Variants in ECPAS observed in about 807,000 individuals in gnomAD.
The protein encoded by ECPAS is Ecm29 proteasome adaptor and scaffold, also known as proteasome adapter and scaffold protein ECM29.
A neutral mutation model predicts 255.1 loss-of-function variants in ECPAS; 70 were observed. The observed-to-expected ratio is 0.27, with a 90% CI of 0.23 to 0.33. ECPAS has a LOEUF of 0.33. Among genes scored for constraint, ECPAS ranks in the 10% least tolerant of loss-of-function variants. The probability of loss-of-function intolerance (pLI) is 1.00; values close to 1 mark genes in which losing one functional copy is unlikely to be tolerated. For synonymous variants in ECPAS, 784 were observed against 775.0 expected (o/e 1.01, Z -0.19); for missense variants, 1,817 against 2,206.4 (o/e 0.82, Z 3.54).
At chr9:111,483,568 AGGGGCTGGGGGGGCAGGGCGCGGCCGG>A in intron 1 of ECPAS, 2 of 211,918 alleles carry the variant, frequency 9.4e-6, no homozygotes, top group Non-Finnish European at 1.5e-5. Flanking sequence ...GGAACGAGGG[AGGGGCTGGGGGGGCAGGGCGCGGCCGG>A]GGGGCTCGCG....
intron 1 of ECPAS, among the ~76,000 whole-genome samples, chr9:111,473,446 G>T (rs1037322144): frequency 6.6e-6 from 1 of 151,888 alleles, no homozygotes; most frequent in African/African-American, 2.4e-5. Flanking sequence ...ACATAACCCC[G>T]GCCACCGCTG....
At position 111,484,247 on chromosome 9, in the gene ECPAS, C is replaced by T. The variant is rs768527215; in HGVS notation, c.-214G>A. 6.8e-7 allele frequency: 1 copy of T among 1,469,440 alleles called. No homozygotes were observed. Among genetic ancestry groups the T allele is most frequent in the South Asian group, 1.4e-5 (1 of 70,988 alleles). The allele number at this position is 1,469,440 out of a possible 1,614,324, so 91.0% of individuals were successfully genotyped here. ...GCAGTCCGTGAGGGGCTGGGCCGAG[C>T]GGGCCCGGGCTGCCCTAGCGGCCGG... On this transcript the variant is annotated 5_prime_UTR_variant, in exon 1 of 50. Coordinates refer to ENST00000684092, the MANE Select transcript of ECPAS (RefSeq NM_001364929.1).
At chr9:111,430,752 G>A (rs944244848) in intron 8 of ECPAS, 124 bp from the exon 9 acceptor site, 2 of 682,428 alleles carry the variant, frequency 2.9e-6, no homozygotes, top group Non-Finnish European at 5.2e-6. Context: ...AATGAAATGG[G>A]CAATTGACAT....
chr9:111,390,009 T>C lies in ECPAS; in HGVS notation c.3254A>G (p.His1085Arg), dbSNP rs1443117565. Residue 1085 changes from histidine (H) to arginine (R), a missense_variant, in exon 30 of 50, where the codon CAT becomes CGT. His to Arg is a conservative substitution (Grantham distance 29). Coordinates refer to ENST00000684092, the MANE Select transcript of ECPAS (RefSeq NM_001364929.1). ...CTTCCTAGAGTTCCACATTGCATGA[T>C]GGTTGGCTAAATTCATAAATTTATA... Reference protein sequence around the residue: ...LVYKFMNLANHHAMWNSRKGA... With the variant: ...LVYKFMNLANRHAMWNSRKGA... 6.9e-6 allele frequency: 11 copies of C among 1,599,510 alleles called. No individual in the cohort carries two copies. Among genetic ancestry groups the C allele is most frequent in the Non-Finnish European group, 8.6e-6 (10 of 1,168,894 alleles).
chr9:111,380,379 A>C (rs963826130), intron 35 of ECPAS, among the ~76,000 whole-genome samples: 9 of 152,060 alleles, frequency 5.9e-5, no homozygotes, highest in African/African-American at 2.2e-4. Flanking sequence ...TTTTTTTAGC[A>C]GTAGGCCTCA....
chr9:111,392,463 T>G (rs903429338), intron 28 of ECPAS, among the ~76,000 whole-genome samples: 1 of 152,238 alleles, frequency 6.6e-6, no homozygotes, highest in African/African-American at 2.4e-5. Context: ...ATGAATGATA[T>G]GCAAGCTTCT....
At chr9:111,479,916 T>G (rs2098301907) in intron 1 of ECPAS, among the ~76,000 whole-genome samples, 1 of 150,924 alleles carries the variant, frequency 6.6e-6, no homozygotes, top group East Asian at 2.0e-4. Context: ...GCGGCAAAGG[T>G]TGCAGTGAGC....
In ECPAS at chr9:111,369,039, G is replaced by A; in HGVS notation, c.5109C>T (p.Thr1703=). 3 of 1,578,870 alleles carry A rather than the reference G, an allele frequency of 1.9e-6. No homozygotes were observed. The highest frequency in any genetic ancestry group is 2.6e-6 in the Non-Finnish European group (3 of 1,168,066). Residue 1703 remains threonine (T), a synonymous_variant, in exon 46 of 50, where the codon ACC becomes ACT. Transcript: ENST00000684092. ...LGKAWPRNAE[T]QRCYRQELCK... ...AATGCAGTTTCTGGTGCTTACGTTGGGTCTCCGCGTTTCGCGGCCAGGCTT... is the reference window on the plus strand; with the variant it reads ...AATGCAGTTTCTGGTGCTTACGTTGAGTCTCCGCGTTTCGCGGCCAGGCTT...
Position 111,372,502 on chromosome 9 carries a change from T to A in ECPAS, c.4455A>T (p.Glu1485Asp), listed in dbSNP as rs765281732. 4.3e-6 allele frequency: 7 copies of A among 1,613,762 alleles called. No individual in the cohort carries two copies. In the East Asian group the frequency reaches 1.6e-4, roughly 36 times the overall value. The change falls in exon 42 of 50, where the codon GAA becomes GAT. Residue 1485 changes from glutamate (E) to aspartate (D), a missense_variant. Coordinates refer to ENST00000684092, the MANE Select transcript of ECPAS (RefSeq NM_001364929.1). ...TTTCGGATTTCTCCTCATCAGCAAT[T>A]TCATGCATGCCTAAAAATGCCAGAG... ...VLPLAFLGMHEIADEEKSEKE... is the reference protein window; with the variant it reads ...VLPLAFLGMHDIADEEKSEKE...
chr9:111,460,582 A>G (rs1478544833), intron 2 of ECPAS, among the ~76,000 whole-genome samples: 1 of 152,196 alleles, frequency 6.6e-6, no homozygotes, highest in Non-Finnish European at 1.5e-5. Context: ...AAAAAATCCA[A>G]AACAATCTAT....
At chr9:111,424,165 G>A (rs1389717384) in intron 12 of ECPAS, among the ~76,000 whole-genome samples, 1 of 152,170 alleles carries the variant, frequency 6.6e-6, no homozygotes, top group Non-Finnish European at 1.5e-5. Context: ...CACTCAATAG[G>A]AGAAAGAAGC....
chr9:111,453,001 TGA>T (rs1455977992), intron 2 of ECPAS, among the ~76,000 whole-genome samples: 1 of 151,972 alleles, frequency 6.6e-6, no homozygotes, highest in Non-Finnish European at 1.5e-5. Flanking sequence ...CCCAACACTT[TGA>T]GAGACCAAGG....
chr9:111,372,363 A>T, intron 42 of ECPAS, 66 bp downstream of exon 42: 5 of 1,419,670 alleles, frequency 3.5e-6, no homozygotes, highest in Non-Finnish European at 4.9e-6. Context: ...ATGAATAACG[A>T]ATGCAAGTAA....
At position 111,425,469 on chromosome 9, in the gene ECPAS, T is replaced by C. The variant is rs375474917; in HGVS notation, c.1164A>G (p.Leu388=). Residue 388 remains leucine (L), a synonymous_variant, in exon 12 of 50, where the codon TTA becomes TTG. Transcript: ENST00000684092. The part of the protein sequence containing the change: ...ITCPEIKIKP[L]GPMLLNGLTK... ...TGAGGCCATTCAAAAGCATTGGACC[T>C]AATGGCTTAATCTTGATTTCTGGAC... 28 of 1,600,352 alleles carry C rather than the reference T, an allele frequency of 1.7e-5. No individual in the cohort carries two copies. Among genetic ancestry groups the C allele is most frequent in the Admixed American group, 5.2e-5 (3 of 57,870 alleles).
At chr9:111,464,224 G>T (rs902408156) in intron 2 of ECPAS, among the ~76,000 whole-genome samples, 3 of 150,988 alleles carry the variant, frequency 2.0e-5, no homozygotes, top group African/African-American at 7.3e-5. Flanking sequence ...CTTGAGCTCA[G>T]GAGTTCAAGA....
rs373389870 is a variant in ECPAS, at chr9:111,444,992, CTT to C, written c.154-500_154-499del. Among the ~76,000 whole-genome samples, 526 of 105,562 alleles carry C rather than the reference CTT, an allele frequency of 5.0e-3. 2 individuals are homozygous for C. The highest frequency in any genetic ancestry group is 0.018 in the African/African-American group (418 of 23,766). 69.3% of individuals were successfully genotyped at this position (105,562 alleles called of 152,430 possible). ...TACAGGCGTAAGCCACTGCTCCTGGCTTTTTTTTTTTTTTTTTTTTTGACATG... is the reference window on the plus strand; with the variant it reads ...TACAGGCGTAAGCCACTGCTCCTGGCTTTTTTTTTTTTTTTTTTTGACATG... On this transcript the variant is annotated intron_variant, in intron 3 of 49. Transcript: ENST00000684092.
At chr9:111,431,465 C>T (rs954855222) in intron 8 of ECPAS, among the ~76,000 whole-genome samples, 1 of 150,396 alleles carries the variant, frequency 6.6e-6, no homozygotes, top group South Asian at 2.1e-4. Flanking sequence ...GGCTGAGGCA[C>T]GAGAATCACT....
rs1238138818 is a variant in ECPAS at position 111,372,453 on chromosome 9, C to T, written c.4504G>A (p.Glu1502Lys). The T allele has an allele frequency of 2.5e-6, 4 of 1,613,648 alleles. No individual in the cohort carries two copies. The highest frequency in any genetic ancestry group is 1.7e-5 in the Admixed American group (1 of 59,988). The change falls in exon 42 of 50, where the codon GAA becomes AAA. Residue 1502 changes from glutamate (E) to lysine (K), a missense_variant. Coordinates refer to ENST00000684092, the MANE Select transcript of ECPAS (RefSeq NM_001364929.1). ...SEKEECNLWT[E>K]VWQENVPGSF... ...CCAGGTACGTTTTCCTGCCACACTTCGGTCCATAAATTACATTCTTCTTTT... is the reference window on the plus strand; with the variant it reads ...CCAGGTACGTTTTCCTGCCACACTTTGGTCCATAAATTACATTCTTCTTTT...
Position 111,373,509 on chromosome 9 carries a change from T to C in ECPAS, c.4178-103A>G, listed in dbSNP as rs1430427970. On this transcript the variant is annotated intron_variant, in intron 39 of 49. Coordinates refer to ENST00000684092, the MANE Select transcript of ECPAS (RefSeq NM_001364929.1). ...CTAACCCTGTAATTAACATCTGATTTACTCCACAGTAGTTTAGATTTCTGG... is the reference window on the plus strand; with the variant it reads ...CTAACCCTGTAATTAACATCTGATTCACTCCACAGTAGTTTAGATTTCTGG... The C allele has an allele frequency of 2.8e-5, 23 of 830,380 alleles. No individual in the cohort carries two copies. The East Asian group carries it at 5.4e-4, about 19-fold the overall frequency. 51.4% of individuals were successfully genotyped at this position (830,380 alleles called of 1,614,324 possible). A position where few individuals can be genotyped will look rare whatever the true frequency, so the allele number is the denominator to read the frequency against.
Sources: allele counts gnomAD v4.1 joint callset (sites outside exome capture counted in the v4.1 genomes callset), GRCh38; gene constraint gnomAD v4.1.1; transcripts MANE v1.5; gene names NCBI Gene and HGNC (gene_info 2026-07-23, HGNC 2026-07-21).